The following GPC5 variants were observed in gnomAD, a reference collection of about 807,000 sequenced individuals.
GPC5 encodes the protein glypican-5.
GPC5 carries 47 observed loss-of-function variants against 53.9 expected under a neutral mutation model. That is an observed-to-expected ratio of 0.87 (90% confidence interval 0.69 to 1.11). The LOEUF is 1.11. GPC5 is among the 50% of genes most tolerant of loss of function. The pLI is 0.00. For missense variants in GPC5, 748 were observed against 713.1 expected (o/e 1.05, Z -0.56); for synonymous variants, 286 against 263.3 (o/e 1.09, Z -0.84).
chr13:91,911,417 A>T (rs975355623), intron 6 of GPC5, among the ~76,000 whole-genome samples: 1 of 151,974 alleles, frequency 6.6e-6, no homozygotes, highest in Admixed American at 6.6e-5. Flanking sequence ...GGTGGCTCAC[A>T]CCTGTAATCC....
intron 7 of GPC5, among the ~76,000 whole-genome samples, chr13:92,525,445 T>TGTGTGTGC: frequency 1.0e-5 from 1 of 97,544 alleles, no homozygotes; most frequent in South Asian, 2.8e-4. Context: ...CAAGTGTGTG[T>TGTGTGTGC]GTGTGTGTGT....
chr13:92,509,408 T>C (rs1342649753), intron 7 of GPC5: 2 of 152,232 alleles, frequency 1.3e-5, no homozygotes, highest in East Asian at 3.8e-4. Flanking sequence ...TGTCTCATTA[T>C]CTTAGGCTTA....
At chr13:91,947,644 A>G (rs1228556310) in intron 6 of GPC5, among the ~76,000 whole-genome samples, 1 of 83,568 alleles carries the variant, frequency 1.2e-5, no homozygotes, top group Non-Finnish European at 3.3e-5. Context: ...AGTTGAGAGC[A>G]CGACTGAGGA....
In GPC5 at chr13:91,627,191, C is replaced by T. The variant is rs1190915832; in HGVS notation, c.326-65996C>T. ...GACTACAGGCGCCCGCCACCGCGCC[C>T]GGCTAATTTTTTGTATTTTTAGTAG... On this transcript the variant is annotated intron_variant, in intron 2 of 7. Coordinates refer to ENST00000377067, the MANE Select transcript of GPC5 (RefSeq NM_004466.6). Among the ~76,000 whole-genome samples the T allele has an allele frequency of 1.0e-4, 2 of 19,244 alleles. 1 individual carries two copies. Among genetic ancestry groups the T allele is most frequent in the Non-Finnish European group, 1.4e-4 (2 of 13,882 alleles). The allele number at this position is 19,244 out of a possible 152,430, so 12.6% of individuals were successfully genotyped here.
At chr13:91,611,919 T>G (rs192329383) in intron 2 of GPC5, among the ~76,000 whole-genome samples, 1 of 152,272 alleles carries the variant, frequency 6.6e-6, no homozygotes, top group Admixed American at 6.5e-5. Context: ...CTAGACTTCC[T>G]TGTGTTGTCT....
At chr13:92,443,223 T>A (rs1418318518) in intron 7 of GPC5, among the ~76,000 whole-genome samples, 1 of 151,964 alleles carries the variant, frequency 6.6e-6, no homozygotes, top group Non-Finnish European at 1.5e-5. Context: ...ACTCATAGAG[T>A]GAGAAAATAC....
At chr13:92,702,983 C>A (rs1887804384) in intron 7 of GPC5, among the ~76,000 whole-genome samples, 1 of 151,862 alleles carries the variant, frequency 6.6e-6, no homozygotes, top group Admixed American at 6.6e-5. Context: ...TTCAGAGAGA[C>A]CTACCTATTT....
chr13:92,488,094 C>T (rs1265140410), intron 7 of GPC5, among the ~76,000 whole-genome samples: 4 of 151,952 alleles, frequency 2.6e-5, no homozygotes, highest in Non-Finnish European at 5.9e-5. Flanking sequence ...CATGAACATA[C>T]ATACCCAGAT....
At chr13:91,772,402 A>G (rs921443406) in intron 5 of GPC5, among the ~76,000 whole-genome samples, 3 of 152,132 alleles carry the variant, frequency 2.0e-5, no homozygotes, top group African/African-American at 7.2e-5. Flanking sequence ...TTGTATCTGA[A>G]ATTCTTTATA....
intron 7 of GPC5, among the ~76,000 whole-genome samples, chr13:92,724,643 T>G (rs1213818875): frequency 6.6e-6 from 1 of 151,656 alleles, no homozygotes; most frequent in Admixed American, 6.6e-5. Context: ...ATTATTCCAC[T>G]TACGTGAGGT....
chr13:91,604,460 AT>A (rs1261248000), intron 2 of GPC5, among the ~76,000 whole-genome samples: 1 of 151,538 alleles, frequency 6.6e-6, no homozygotes, highest in Non-Finnish European at 1.5e-5. Context: ...TCCTTTGGGT[AT>A]ATACCCAGTA....
intron 5 of GPC5, among the ~76,000 whole-genome samples, chr13:91,762,874 G>A (rs924443509): frequency 5.3e-5 from 8 of 151,962 alleles, no homozygotes; most frequent in African/African-American, 1.7e-4. Flanking sequence ...TGAATCTTAG[G>A]GGTATGAATC....
intron 7 of GPC5, among the ~76,000 whole-genome samples, chr13:92,707,464 C>A (rs1887991315): frequency 6.6e-6 from 1 of 151,994 alleles, no homozygotes; most frequent in African/African-American, 2.4e-5. Context: ...CGGCCCTTGA[C>A]TAGCCTGATG....
At chr13:92,091,779 A>C (rs1256349522) in intron 6 of GPC5, among the ~76,000 whole-genome samples, 3 of 151,990 alleles carry the variant, frequency 2.0e-5, no homozygotes, top group South Asian at 2.1e-4. Flanking sequence ...AAAAAAAAAA[A>C]ACAATGTGAA....
chr13:91,518,212 A>G (rs1885614346), intron 2 of GPC5, among the ~76,000 whole-genome samples: 1 of 152,188 alleles, frequency 6.6e-6, no homozygotes, highest in Non-Finnish European at 1.5e-5. Flanking sequence ...AAGAAAGAAA[A>G]TTATTAGGTA....
chr13:91,749,163 A>T (rs1298849492), intron 4 of GPC5, among the ~76,000 whole-genome samples: 1 of 152,100 alleles, frequency 6.6e-6, no homozygotes, highest in Non-Finnish European at 1.5e-5. Flanking sequence ...CCCATTTTGC[A>T]TACCTCACCC....
At chr13:92,046,403 C>T (rs2040982486) in intron 6 of GPC5, among the ~76,000 whole-genome samples, 1 of 152,140 alleles carries the variant, frequency 6.6e-6, no homozygotes, top group Admixed American at 6.5e-5. Context: ...TTTTCTTCCT[C>T]ATGTTATATT....
chr13:91,586,051 T>C (rs2032553695), intron 2 of GPC5, among the ~76,000 whole-genome samples: 1 of 128,222 alleles, frequency 7.8e-6, no homozygotes, highest in Non-Finnish European at 1.6e-5. Context: ...TATAAAAAAA[T>C]TTAAAAAAAG....
Position 92,527,249 on chromosome 13 carries a change from G to GAAAGAAAGAA in GPC5, c.1562-339032_1562-339031insAAGAAAGAAA, listed in dbSNP as rs1281380893. Among the ~76,000 whole-genome samples the GAAAGAAAGAA allele has an allele frequency of 5.8e-4, 19 of 32,710 alleles. 2 individuals carry two copies. Among genetic ancestry groups the GAAAGAAAGAA allele is most frequent in the Non-Finnish European group, 1.0e-3 (16 of 15,682 alleles). The allele number at this position is 32,710 out of a possible 152,430, so 21.5% of individuals were successfully genotyped here. ...AGAAAGAAAGAAAGAAAGAAAGAAA[G>GAAAGAAAGAA]AGAAAGAAAGAAAGAAAGAAAGAAA... On this transcript the variant is annotated intron_variant, in intron 7 of 7. Coordinates refer to ENST00000377067, the MANE Select transcript of GPC5 (RefSeq NM_004466.6).
Sources: allele counts gnomAD v4.1 joint callset (sites outside exome capture counted in the v4.1 genomes callset), GRCh38; gene constraint gnomAD v4.1.1; transcripts MANE v1.5; gene names NCBI Gene and HGNC (gene_info 2026-07-23, HGNC 2026-07-21).